CHN2: variants seen among roughly 807,000 people sequenced by gnomAD.
CHN2 encodes beta-chimaerin.
A neutral mutation model predicts 56.3 loss-of-function variants in CHN2; 35 were observed. The ratio of observed to expected loss-of-function variants is 0.62; its 90% CI spans 0.47 to 0.82. CHN2 has a LOEUF of 0.82. CHN2 is among the 40% of genes least tolerant of loss of function. CHN2 has a pLI of 0.00. For synonymous variants in CHN2, 210 were observed against 212.8 expected, an observed-to-expected ratio of 0.99 and a Z score of 0.12; for missense variants, 491 against 580.5, an observed-to-expected ratio of 0.85 and a Z score of 1.58.
At chr7:29,256,648 A>C (rs1789102840) in intron 1 of CHN2, among the ~76,000 whole-genome samples, 1 of 152,154 alleles carries the variant, frequency 6.6e-6, no homozygotes, top group Non-Finnish European at 1.5e-5. Context: ...AAGGACTTAA[A>C]GTTCAATTTC....
At chr7:29,437,055 T>C (rs1026318827) in intron 6 of CHN2, among the ~76,000 whole-genome samples, 6 of 152,140 alleles carry the variant, frequency 3.9e-5, no homozygotes, top group African/African-American at 1.4e-4. Context: ...TAAAGGTTTT[T>C]GAAATCCACC....
chr7:29,151,544 T>G (rs1793593799), intron 2 of CHN2, among the ~76,000 whole-genome samples: 1 of 152,176 alleles, frequency 6.6e-6, no homozygotes. Context: ...ATAATCATAG[T>G]GAAACTTTGT....
At position 29,451,275 on chromosome 7, in the gene CHN2, A is replaced by G. The variant is rs1562617647; in HGVS notation, c.577-29004A>G. 2.0e-5 allele frequency among the ~76,000 whole-genome samples: 3 copies of G among 152,174 alleles called. No homozygotes were observed. In the South Asian group the frequency reaches 6.2e-4, roughly 32 times the overall value. ...CATGTAACATGCTCAGAAAAGAGCA[A>G]CTCAATACATAAATGATATCAAGGC... is the stretch of plus-strand genomic sequence containing the variant. On this transcript the variant is annotated intron_variant, in intron 6 of 12. Transcript: ENST00000222792.
intron 2 of CHN2, among the ~76,000 whole-genome samples, chr7:29,161,027 T>G (rs1024853925): frequency 1.3e-5 from 2 of 152,182 alleles, no homozygotes; most frequent in Non-Finnish European, 2.9e-5. Context: ...TTCTCACCCT[T>G]CTTTTCAACT....
intron 3 of CHN2, among the ~76,000 whole-genome samples, chr7:29,369,420 A>T (rs149012410): frequency 0.012 from 1,860 of 152,274 alleles, 37 homozygotes; most frequent in African/African-American, 0.042. Context: ...TTATTCTGTA[A>T]ATATATATGG....
rs187499826 is a variant in CHN2, at chr7:29,340,315, G to A, written c.50-14310G>A. On this transcript the variant is annotated intron_variant, in intron 1 of 12. Coordinates refer to ENST00000222792, the MANE Select transcript of CHN2 (RefSeq NM_004067.4). ...GTAAATATCTGACCATTTCCTTTAT[G>A]TTATGAAAAGTTTTTATATTCAGAA... Among the ~76,000 whole-genome samples the A allele has an allele frequency of 1.7e-3, 252 of 151,298 alleles. 1 individual carries two copies. Among genetic ancestry groups the A allele is most frequent in the African/African-American group, 6.0e-3 (248 of 41,144 alleles).
chr7:29,420,631 T>C (rs958754488), intron 6 of CHN2, among the ~76,000 whole-genome samples: 6 of 152,196 alleles, frequency 3.9e-5, no homozygotes, highest in African/African-American at 1.4e-4. Context: ...GCAGAATGGT[T>C]GTCAAGGGCT....
At chr7:29,159,908 G>T (rs956087305) in intron 2 of CHN2, among the ~76,000 whole-genome samples, 1 of 152,180 alleles carries the variant, frequency 6.6e-6, no homozygotes, top group Non-Finnish European at 1.5e-5. Flanking sequence ...AAGTATTTGT[G>T]GAAGGACGTA....
chr7:29,434,618 T>G (rs1783088935), intron 6 of CHN2, among the ~76,000 whole-genome samples: 1 of 152,222 alleles, frequency 6.6e-6, no homozygotes, highest in Admixed American at 6.5e-5. Context: ...TGTCATTGGA[T>G]TAGGGCCTAT....
intron 1 of CHN2, among the ~76,000 whole-genome samples, chr7:29,354,255 T>A (rs1250172099): frequency 1.3e-5 from 2 of 152,260 alleles, no homozygotes; most frequent in Admixed American, 6.5e-5. Flanking sequence ...GCTAAAGGTC[T>A]GATTGGAAAC....
intron 6 of CHN2, among the ~76,000 whole-genome samples, chr7:29,427,363 C>T (rs1430278890): frequency 6.6e-6 from 1 of 152,072 alleles, no homozygotes; most frequent in East Asian, 1.9e-4. Flanking sequence ...TAGATCACAT[C>T]CCTGTCTTTA....
chr7:29,509,255 G>C (rs79326484), intron 11 of CHN2, 46 bp from the exon 12 acceptor site: 4 of 1,431,838 alleles, frequency 2.8e-6, no homozygotes, highest in Non-Finnish European at 3.9e-6. Context: ...CTGAAAACTT[G>C]AATGCCACAC....
chr7:29,267,231 A>T (rs1790224598), intron 1 of CHN2, among the ~76,000 whole-genome samples: 1 of 146,784 alleles, frequency 6.8e-6, no homozygotes, highest in Admixed American at 6.9e-5. Context: ...CACTAAGTGC[A>T]TATTTCTTTT....
chr7:29,511,723 C>G (rs375762703), intron 12 of CHN2, among the ~76,000 whole-genome samples: 1 of 87,278 alleles, frequency 1.1e-5, no homozygotes, highest in African/African-American at 3.6e-5. Flanking sequence ...ATTATATTTT[C>G]CTAAACACAT....
chr7:29,190,463 C>T (rs575868402), upstream of CHN2, among the ~76,000 whole-genome samples: 2 of 152,314 alleles, frequency 1.3e-5, no homozygotes, highest in South Asian at 4.1e-4. Context: ...ATGACAGCCA[C>T]GTTCACCCTG....
chr7:29,369,337 A>G (rs556576774), intron 3 of CHN2, among the ~76,000 whole-genome samples: 1 of 152,334 alleles, frequency 6.6e-6, no homozygotes, highest in East Asian at 1.9e-4. Context: ...GCATTAATAA[A>G]AAGACACTGG....
intron 1 of CHN2, chr7:29,213,299 T>A (rs934364052): frequency 1.3e-6 from 1 of 770,278 alleles, no homozygotes; most frequent in Non-Finnish European, 2.3e-6. Context: ...CCTGATAGGA[T>A]TTTTCTTGTA....
At chr7:29,405,212 C>CACACACACACACACACACACACACAA (rs1585283739) in intron 6 of CHN2, among the ~76,000 whole-genome samples, 1 of 147,408 alleles carries the variant, frequency 6.8e-6, no homozygotes, top group East Asian at 2.0e-4. Flanking sequence ...CACACACACA[C>CACACACACACACACACACACACACAA]ACACACACAC....
chr7:29,405,080 T>C (rs551127103), intron 6 of CHN2, among the ~76,000 whole-genome samples: 8 of 151,244 alleles, frequency 5.3e-5, no homozygotes, highest in Non-Finnish European at 1.0e-4. Flanking sequence ...TAAGAGAAAA[T>C]AATGCGCTGT....
Sources: gnomAD v4.1 joint callset for allele counts (sites outside exome capture counted in the v4.1 genomes callset) on GRCh38, gnomAD v4.1.1 for gene constraint, MANE v1.5 for transcripts, NCBI Gene and HGNC (gene_info 2026-07-23, HGNC 2026-07-21) for gene names.